The following SPNS3 variants were observed in gnomAD, a reference collection of about 807,000 sequenced individuals.
The protein encoded by SPNS3 is protein spinster homolog 3.
A neutral mutation model predicts 54.4 loss-of-function variants in SPNS3; 51 were observed. The ratio of observed to expected loss-of-function variants is 0.94; its 90% CI spans 0.75 to 1.18. The LOEUF (loss-of-function observed/expected upper bound fraction) is 1.18. Ranked by LOEUF, SPNS3 falls within the 50% of genes most tolerant of loss-of-function variation. SPNS3 has a pLI of 0.00. For synonymous variants in SPNS3, 309 were observed against 294.7 expected (o/e 1.05, Z -0.50); for missense variants, 669 against 677.4 (o/e 0.99, Z 0.14).
chr17:4,440,109 G>A (rs1970811690), intron 2 of SPNS3, among the ~76,000 whole-genome samples: 1 of 152,106 alleles, frequency 6.6e-6, no homozygotes, highest in Non-Finnish European at 1.5e-5. Context: ...TCTGACTACT[G>A]GGACACACAA....
intron 11 of SPNS3, among the ~76,000 whole-genome samples, chr17:4,487,015 T>C (rs540488540): frequency 6.6e-6 from 1 of 151,430 alleles, no homozygotes; most frequent in Admixed American, 6.6e-5. Flanking sequence ...CTACTAAAAA[T>C]ATAAAAATTA....
At chr17:4,434,654 A>G (rs141059564) in intron 1 of SPNS3, among the ~76,000 whole-genome samples, 17,522 of 149,440 alleles carry the variant, frequency 0.12, 1,324 homozygotes, top group Non-Finnish European at 0.17. Context: ...GCACCACCAC[A>G]TCCGGCTAAT....
chr17:4,466,397 G>A (rs138866880), intron 8 of SPNS3, among the ~76,000 whole-genome samples: 2,199 of 151,780 alleles, frequency 0.014, 53 homozygotes, highest in African/African-American at 0.051. Flanking sequence ...AAACTTAGCC[G>A]GGCATGGTGG....
rs141682810 is a variant in SPNS3, at chr17:4,453,081, C to T, written c.989C>T (p.Ala330Val). 88 of 1,614,056 alleles carry T rather than the reference C, an allele frequency of 5.5e-5. No individual in the cohort carries two copies. In the African/African-American group the frequency reaches 6.4e-4, roughly 12 times the overall value. Reference protein sequence around the residue: ...VIGVILGAEAARRYKKVIPGA... With the variant: ...VIGVILGAEAVRRYKKVIPGA... ...GGGGTCATCTTGGGGGCAGAAGCTG[C>T]GAGGAGGTACAAGAAAGTCATTCCA... Residue 330 changes from alanine to valine, a missense_variant, in exon 8 of 12, where the codon GCG becomes GTG. Ala to Val is a moderately conservative substitution (Grantham distance 64). Coordinates refer to ENST00000355530, the MANE Select transcript of SPNS3 (RefSeq NM_182538.5).
In SPNS3 at chr17:4,488,028, A is replaced by T. The variant is rs966231355; in HGVS notation, c.*134A>T. ...GCCACTTTTGAATTCCCGGCTGGAG[A>T]GCTGGCAGGACCCTGTGGCTGGGCT... On this transcript the variant is annotated 3_prime_UTR_variant, in exon 12 of 12. Transcript: ENST00000355530. 4.1e-5 allele frequency: 31 copies of T among 752,604 alleles called. No individual in the cohort carries two copies. The highest frequency in any genetic ancestry group is 4.5e-6 in the Non-Finnish European group (2 of 447,472). The allele number at this position is 752,604 out of a possible 1,614,324, so 46.6% of individuals were successfully genotyped here. A position where few individuals can be genotyped will look rare whatever the true frequency, so the allele number is the denominator to read the frequency against.
intron 8 of SPNS3, among the ~76,000 whole-genome samples, chr17:4,458,600 T>TCTTG: frequency 1.2e-5 from 1 of 85,696 alleles, no homozygotes; most frequent in South Asian, 3.5e-4. Flanking sequence ...TTTCTTTCTT[T>TCTTG]CTTTCTTTCT....
Position 4,449,393 on chromosome 17 carries a change from G to T in SPNS3, c.923+6G>T, listed in dbSNP as rs1442819278. The stretch of plus-strand genomic sequence containing the variant: ...CCGTGCAGCAACCCCGACAGGTGAG[G>T]GCATCCGGGGGCCCTGGGCACCTGG... On this transcript the variant is annotated splice_donor_region_variant and intron_variant, in intron 7 of 11. Coordinates refer to ENST00000355530, the MANE Select transcript of SPNS3 (RefSeq NM_182538.5). 1.9e-6 allele frequency: 3 copies of T among 1,574,792 alleles called. No homozygotes were observed. The South Asian group carries it at 3.5e-5, about 18-fold the overall frequency.
intron 8 of SPNS3, among the ~76,000 whole-genome samples, chr17:4,471,782 C>T (rs1971860223): frequency 1.3e-5 from 2 of 151,566 alleles, no homozygotes; most frequent in South Asian, 2.1e-4. Flanking sequence ...AATATTCTCA[C>T]TGCATTGTTT....
intron 8 of SPNS3, among the ~76,000 whole-genome samples, chr17:4,476,927 C>T (rs546443593): frequency 5.9e-5 from 9 of 152,364 alleles, no homozygotes; most frequent in African/African-American, 1.7e-4. Flanking sequence ...CTCCTTGCCT[C>T]CGCTCCCGTG....
intron 8 of SPNS3, among the ~76,000 whole-genome samples, chr17:4,472,581 G>C (rs1040739693): frequency 1.2e-4 from 19 of 152,056 alleles, no homozygotes; most frequent in African/African-American, 4.1e-4. Flanking sequence ...AGTGGAGTCC[G>C]TGATTGGAGC....
chr17:4,434,167 G>T lies in SPNS3; in HGVS notation c.199+1G>T, dbSNP rs773309382. The T allele has an allele frequency of 1.5e-5, 24 of 1,607,200 alleles. No homozygotes were observed. Among genetic ancestry groups the T allele is most frequent in the Non-Finnish European group, 2.0e-5 (24 of 1,176,506 alleles). On this transcript the variant is annotated splice_donor_variant, in intron 1 of 11. Coordinates refer to ENST00000355530, the MANE Select transcript of SPNS3 (RefSeq NM_182538.5). LOFTEE classifies it high-confidence loss of function. Reference sequence around the variant, plus strand: ...TACATGAACTGGTTCATCATTGCAGGTGAGGAGGGGATGGCTACCCTGGGC... The same window carrying T: ...TACATGAACTGGTTCATCATTGCAGTTGAGGAGGGGATGGCTACCCTGGGC...
At chr17:4,452,682 T>TG in intron 7 of SPNS3, among the ~76,000 whole-genome samples, 1 of 151,018 alleles carries the variant, frequency 6.6e-6, no homozygotes, top group Non-Finnish European at 1.5e-5. Context: ...GGGGCAGTTT[T>TG]GGGGGGTGAA....
At chr17:4,472,712 A>G (rs1161898569) in intron 8 of SPNS3, among the ~76,000 whole-genome samples, 1 of 126,734 alleles carries the variant, frequency 7.9e-6, no homozygotes, top group Admixed American at 8.7e-5. Context: ...GGCTTTGGGG[A>G]GGGGAAGCCG....
intron 8 of SPNS3, among the ~76,000 whole-genome samples, chr17:4,459,346 T>C (rs868606693): frequency 6.6e-6 from 1 of 152,106 alleles, no homozygotes; most frequent in Non-Finnish European, 1.5e-5. Flanking sequence ...AGTGACAAAC[T>C]GTTTGTATTC....
At chr17:4,456,876 A>G (rs1971330567) in intron 8 of SPNS3, among the ~76,000 whole-genome samples, 1 of 152,026 alleles carries the variant, frequency 6.6e-6, no homozygotes, top group Admixed American at 6.5e-5. Flanking sequence ...CACCACACCC[A>G]GCTAATTTTT....
intron 1 of SPNS3, among the ~76,000 whole-genome samples, chr17:4,439,280 C>T (rs1374724214): frequency 6.6e-6 from 1 of 151,988 alleles, no homozygotes. Context: ...CCCGCCACCA[C>T]GTCCGGCTAA....
rs981108558 is a variant in SPNS3, at chr17:4,453,225, G to A, written c.1113+20G>A. On this transcript the variant is annotated intron_variant, in intron 8 of 11. Coordinates refer to ENST00000355530, the MANE Select transcript of SPNS3 (RefSeq NM_182538.5). ...TCCTATGTAAGTGAGAGCCTCTATG[G>A]AGGTGGGGACAGGGTTGGGGGGCGA... 5.6e-6 allele frequency: 9 copies of A among 1,604,488 alleles called. No homozygotes were observed. Among genetic ancestry groups the A allele is most frequent in the Non-Finnish European group, 7.7e-6 (9 of 1,175,112 alleles).
chr17:4,472,406 C>T (rs1014308243), intron 8 of SPNS3, among the ~76,000 whole-genome samples: 13 of 152,176 alleles, frequency 8.5e-5, no homozygotes, highest in Admixed American at 2.0e-4. Context: ...GCAGACTTTT[C>T]TGTTGCCGGA....
intron 1 of SPNS3, 127 bp from the exon 2 acceptor site, chr17:4,439,531 G>T (rs1187884429): frequency 4.1e-6 from 3 of 723,666 alleles, no homozygotes; most frequent in Non-Finnish European, 7.1e-6. Context: ...GGAGAGAACA[G>T]TGGGCTTGGG....
Sources: allele counts gnomAD v4.1 joint callset (sites outside exome capture counted in the v4.1 genomes callset), GRCh38; gene constraint gnomAD v4.1.1; transcripts MANE v1.5; gene names NCBI Gene and HGNC (gene_info 2026-07-23, HGNC 2026-07-21).